The following AKAP6 variants were observed in gnomAD, a reference collection of about 807,000 sequenced individuals.
AKAP6 encodes A-kinase anchor protein 6.
Under a neutral mutation model 188.5 loss-of-function variants are expected in AKAP6, and 58 were observed. That is an observed-to-expected ratio of 0.31 (90% CI 0.25 to 0.38). AKAP6 has a LOEUF of 0.38. Among genes scored for constraint, AKAP6 ranks in the 10% least tolerant of loss-of-function variants. AKAP6 has a pLI of 1.00. For missense variants in AKAP6, 2,710 were observed against 2,740.0 expected (o/e 0.99, Z 0.24); for synonymous variants, 989 against 998.6 (o/e 0.99, Z 0.18).
At chr14:32,560,567 T>C (rs539410343) in intron 4 of AKAP6, among the ~76,000 whole-genome samples, 1 of 152,362 alleles carries the variant, frequency 6.6e-6, no homozygotes, top group Non-Finnish European at 1.5e-5. Flanking sequence ...AAAATAGTTC[T>C]TTGTAATTTT....
intron 7 of AKAP6, among the ~76,000 whole-genome samples, chr14:32,626,888 C>T (rs1315668382): frequency 1.3e-5 from 2 of 152,072 alleles, no homozygotes; most frequent in Non-Finnish European, 2.9e-5. Flanking sequence ...CTTACCAGTG[C>T]CTCACACAAC....
At chr14:32,710,647 A>G (rs752213283) in intron 9 of AKAP6, among the ~76,000 whole-genome samples, 1 of 152,052 alleles carries the variant, frequency 6.6e-6, no homozygotes, top group African/African-American at 2.4e-5. Flanking sequence ...AGCGTTTCTA[A>G]TGAATGAGGC....
chr14:32,429,831 C>T (rs941095408), intron 1 of AKAP6, among the ~76,000 whole-genome samples: 1 of 152,212 alleles, frequency 6.6e-6, no homozygotes, highest in African/African-American at 2.4e-5. Flanking sequence ...GCTTTGGCAG[C>T]TTGAATGTAA....
At chr14:32,745,523 G>GTC (rs1487976212) in intron 11 of AKAP6, among the ~76,000 whole-genome samples, 1 of 136,432 alleles carries the variant, frequency 7.3e-6, no homozygotes, top group Non-Finnish European at 1.6e-5. Flanking sequence ...CTCTCTGTCT[G>GTC]TCTCTCTCTC....
At chr14:32,818,910 T>G (rs756548452) in intron 12 of AKAP6, among the ~76,000 whole-genome samples, 1 of 152,182 alleles carries the variant, frequency 6.6e-6, no homozygotes, top group South Asian at 2.1e-4. Context: ...ATTCAATTAT[T>G]TATTAGCACT....
At chr14:32,608,649 CA>C (rs1449092496) in intron 7 of AKAP6, among the ~76,000 whole-genome samples, 1 of 152,072 alleles carries the variant, frequency 6.6e-6, no homozygotes, top group Non-Finnish European at 1.5e-5. Flanking sequence ...AAGTCATTGA[CA>C]GGAATAGGTA....
chr14:32,617,593 A>G (rs1406976312), intron 7 of AKAP6, among the ~76,000 whole-genome samples: 2 of 151,914 alleles, frequency 1.3e-5, no homozygotes, highest in South Asian at 2.1e-4. Flanking sequence ...TTATAACACA[A>G]ATCAAAACCC....
rs147301675 is a variant in AKAP6, at chr14:32,741,650, A to G, written c.3372+5768A>G. Among the ~76,000 whole-genome samples, 294 of 151,988 alleles carry G rather than the reference A, an allele frequency of 1.9e-3. 2 individuals carry two copies. The highest frequency in any genetic ancestry group is 6.6e-3 in the African/African-American group (275 of 41,486). ...GGTTTTTATCTTTCATTCTGTTGAT[A>G]TGATGGATCACATTGATTGATTTGC... On this transcript the variant is annotated intron_variant, in intron 11 of 13. Transcript: ENST00000280979.
intron 4 of AKAP6, among the ~76,000 whole-genome samples, chr14:32,557,339 C>A (rs1177509885): frequency 6.6e-6 from 1 of 152,220 alleles, no homozygotes; most frequent in Non-Finnish European, 1.5e-5. Flanking sequence ...CTCAAGCCAT[C>A]CTCCATCTTG....
At chr14:32,757,768 T>C (rs552918037) in intron 11 of AKAP6, among the ~76,000 whole-genome samples, 7 of 152,178 alleles carry the variant, frequency 4.6e-5, no homozygotes, top group African/African-American at 1.4e-4. Context: ...AGGATGTGGA[T>C]GTGGTTGGAT....
chr14:32,823,435 A>C lies in AKAP6; in HGVS notation c.5622A>C (p.Thr1874=). The change falls in exon 13 of 14, where the codon ACA becomes ACC. Residue 1874 remains threonine (T), a synonymous_variant. Transcript: ENST00000280979. ...CATCTCATACCCATGAGTTAGGGAC[A>C]AAGCGTGAAAATAAGAAAACTATTT... ...KNSSHTHELG[T]KRENKKTIFK... 1 of 1,613,518 alleles carries C rather than the reference A, an allele frequency of 6.2e-7. No homozygotes were observed. The highest frequency in any genetic ancestry group is 8.5e-7 in the Non-Finnish European group (1 of 1,179,848).
intron 9 of AKAP6, among the ~76,000 whole-genome samples, chr14:32,705,877 A>G (rs1228183365): frequency 6.6e-6 from 1 of 152,156 alleles, no homozygotes; most frequent in East Asian, 1.9e-4. Context: ...ACTATGGTAG[A>G]GAGAAAAGGG....
rs1313297765 is a variant in AKAP6 at position 32,577,180 on chromosome 14, G to A, written c.2407G>A (p.Glu803Lys). The A allele has an allele frequency of 6.2e-7, 1 of 1,612,596 alleles. No individual in the cohort carries two copies. Among genetic ancestry groups the A allele is most frequent in the Non-Finnish European group, 8.5e-7 (1 of 1,179,234 alleles). ...QWLNEAMETT[E>K]NWTPPKAEMD... ...GTTAAATGAAGCCATGGAAACTACA[G>A]AAAATTGGACTCCCCCTAAAGCAGA... is the stretch of plus-strand genomic sequence containing the variant. The change falls in exon 5 of 14, where the codon GAA becomes AAA. Residue 803 changes from glutamate (E) to lysine (K), a missense_variant. Glu to Lys is a moderately conservative substitution (Grantham distance 56). This residue lies in a region of AKAP6 where 2,473 missense variants were observed against 2,426.1 expected (regional missense o/e 1.02). Transcript: ENST00000280979.
intron 4 of AKAP6, among the ~76,000 whole-genome samples, chr14:32,565,831 G>A (rs140300910): frequency 6.6e-6 from 1 of 152,218 alleles, no homozygotes; most frequent in Admixed American, 6.5e-5. Context: ...AGAATAAGCT[G>A]TTCTCTCTTG....
intron 7 of AKAP6, among the ~76,000 whole-genome samples, chr14:32,625,620 A>G (rs1179509305): frequency 6.6e-6 from 1 of 150,538 alleles, no homozygotes; most frequent in African/African-American, 2.5e-5. Context: ...ATTTCACTGC[A>G]GCCTGGAAGA....
At chr14:32,652,877 A>G (rs1312692207) in intron 7 of AKAP6, among the ~76,000 whole-genome samples, 1 of 151,994 alleles carries the variant, frequency 6.6e-6, no homozygotes, top group Non-Finnish European at 1.5e-5. Flanking sequence ...ACACAGGGAG[A>G]CCCCATCTCT....
chr14:32,450,082 C>G (rs1329685235), intron 2 of AKAP6, among the ~76,000 whole-genome samples: 2 of 152,162 alleles, frequency 1.3e-5, no homozygotes, highest in African/African-American at 4.8e-5. Context: ...GCTCCTGTTT[C>G]TGCTACTTAC....
At chr14:32,343,317 G>GA (rs948236203) in intron 1 of AKAP6, among the ~76,000 whole-genome samples, 7 of 152,108 alleles carry the variant, frequency 4.6e-5, no homozygotes, top group African/African-American at 1.7e-4. Context: ...GGAGTGGTTA[G>GA]TGGAGACCCA....
rs554081054 is a variant in AKAP6, at chr14:32,331,071, G to A, written c.-35+1663G>A. ...AGTGCTAGATGGTGATGGGGGAAGG[G>A]AAAGTATGTCTTGTAGCTAGATTAT... On this transcript the variant is annotated intron_variant, in intron 1 of 13. Transcript: ENST00000280979. Among the ~76,000 whole-genome samples, 172 of 152,122 alleles carry A rather than the reference G, an allele frequency of 1.1e-3. 2 individuals carry two copies. The Middle Eastern group carries it at 0.014, about 12-fold the overall frequency.
Sources: gnomAD v4.1 joint callset for allele counts (sites outside exome capture counted in the v4.1 genomes callset) on GRCh38, gnomAD v4.1.1 for gene constraint, gnomAD v4.1.1 regional missense constraint, MANE v1.5 for transcripts, NCBI Gene and HGNC (gene_info 2026-07-23, HGNC 2026-07-21) for gene names.